The following IRS1 variants were observed in gnomAD, a reference collection of about 807,000 sequenced individuals.
IRS1 encodes insulin receptor substrate 1.
In IRS1, 34 loss-of-function variants were observed where a neutral mutation model predicts 65.6. The observed-to-expected ratio is 0.52, with a 90% CI of 0.39 to 0.69. The LOEUF (loss-of-function observed/expected upper bound fraction) is 0.69, where lower values mean the gene tolerates loss of function less well. Among genes scored for constraint, IRS1 ranks in the 30% least tolerant of loss-of-function variants. The pLI is 0.00. For missense variants in IRS1, 1,641 were observed against 1,720.2 expected, an observed-to-expected ratio of 0.95 and a Z score of 0.81; for synonymous variants, 699 against 683.5, an observed-to-expected ratio of 1.02 and a Z score of -0.35.
chr2:226,748,428 C>CAAAAAAAAAAAAAAAAAA (rs748065097), intron 1 of IRS1, among the ~76,000 whole-genome samples: 1 of 49,716 alleles, frequency 2.0e-5, no homozygotes, highest in Non-Finnish European at 4.1e-5. Flanking sequence ...GACTCTGTCT[C>CAAAAAAAAAAAAAAAAAA]AAAAAAAAAA....
intron 1 of IRS1, among the ~76,000 whole-genome samples, chr2:226,758,568 A>G (rs1035989234): frequency 2.6e-5 from 4 of 152,198 alleles, no homozygotes; most frequent in Non-Finnish European, 5.9e-5. Flanking sequence ...AGAGGGTTAA[A>G]CTTTGATATA....
intron 1 of IRS1, among the ~76,000 whole-genome samples, chr2:226,751,445 A>G (rs955484886): frequency 7.2e-5 from 11 of 151,982 alleles, no homozygotes; most frequent in African/African-American, 1.2e-4. Flanking sequence ...CACGACGCCC[A>G]GCTAATTTTT....
At position 226,796,060 on chromosome 2, in the gene IRS1, C is replaced by CGGGCTCTTGGGCTCTGGA; in HGVS notation, c.2661_2678dup (p.Pro888_Pro893dup). On this transcript the variant is annotated inframe_insertion, in exon 1 of 2. Transcript: ENST00000305123. The stretch of plus-strand genomic sequence containing the variant: ...CAAATTCAATATTGACATATTCCCC[C>CGGGCTCTTGGGCTCTGGA]GGGCTCTTGGGCTCTGGAGGGTGCA... 1 of 1,614,002 alleles carries CGGGCTCTTGGGCTCTGGA rather than the reference C, an allele frequency of 6.2e-7. No homozygotes were observed.
intron 1 of IRS1, among the ~76,000 whole-genome samples, chr2:226,773,805 C>T (rs1939208940): frequency 6.6e-6 from 1 of 152,108 alleles, no homozygotes; most frequent in Admixed American, 6.6e-5. Context: ...GGGGTTTTGC[C>T]TTGGTTAACT....
In IRS1 at chr2:226,796,203, C is replaced by T; in HGVS notation, c.2536G>A (p.Asp846Asn). The T allele has an allele frequency of 6.2e-7, 1 of 1,613,452 alleles. No individual in the cohort carries two copies. Among genetic ancestry groups the T allele is most frequent in the Non-Finnish European group, 8.5e-7 (1 of 1,179,834 alleles). ...VLQPHLPRKVDTAAQTNSRLA... is the reference protein window; with the variant it reads ...VLQPHLPRKVNTAAQTNSRLA... ...CGGCTATTGGTCTGAGCAGCTGTGT[C>T]CACCTTTCGAGGCAGATGGGGCTGC... is the stretch of plus-strand genomic sequence containing the variant. Residue 846 changes from aspartate (D) to asparagine (N), a missense_variant, in exon 1 of 2, where the codon GAC (aspartate) becomes AAC (asparagine). By Grantham distance (23) the Asp-to-Asn change is conservative (BLOSUM62 1). Transcript: ENST00000305123.
rs1486259000 is a variant in IRS1 at position 226,794,143 on chromosome 2, T to C, written c.*21+846A>G. 6.6e-6 allele frequency among the ~76,000 whole-genome samples: 1 copy of C among 152,214 alleles called. No homozygotes were observed. The highest frequency in any genetic ancestry group is 2.4e-5 in the African/African-American group (1 of 41,444). ...GATATATAGTAGCCCCCAAATGATA[T>C]CTGTAATGTCTCAGTGCAAGAAGAG... On this transcript the variant is annotated intron_variant, in intron 1 of 1. Coordinates refer to ENST00000305123, the MANE Select transcript of IRS1 (RefSeq NM_005544.3). The surrounding 1 kb of genome is among the most constrained non-coding windows in gnomAD (Gnocchi z 4.1).
chr2:226,755,329 T>C (rs1938774643), intron 1 of IRS1, among the ~76,000 whole-genome samples: 1 of 152,220 alleles, frequency 6.6e-6, no homozygotes, highest in Non-Finnish European at 1.5e-5. Flanking sequence ...TTTTTAAAAA[T>C]ATTCCCTCTG....
intron 1 of IRS1, among the ~76,000 whole-genome samples, chr2:226,759,634 T>C (rs1263227640): frequency 1.3e-5 from 2 of 152,214 alleles, no homozygotes; most frequent in African/African-American, 4.8e-5. Context: ...GATATACATT[T>C]TCAGATGTAT....
Position 226,750,197 on chromosome 2 carries a change from C to T in IRS1, c.*22-13947G>A, listed in dbSNP as rs1308849271. On this transcript the variant is annotated intron_variant, in intron 1 of 1. Coordinates refer to ENST00000305123, the MANE Select transcript of IRS1 (RefSeq NM_005544.3). ...CCAGGAGGCGGAGGTTGCAGTGAGC[C>T]AAGGTCACGCCATTGCATTCCAGCC... Among the ~76,000 whole-genome samples the T allele has an allele frequency of 4.2e-5, 6 of 142,456 alleles. No homozygotes were observed. The Admixed American group carries it at 4.5e-4, about 11-fold the overall frequency. The allele number at this position is 142,456 out of a possible 152,430, so 93.5% of individuals were successfully genotyped here.
chr2:226,745,990 G>A (rs977286985), intron 1 of IRS1, among the ~76,000 whole-genome samples: 5 of 151,516 alleles, frequency 3.3e-5, no homozygotes, highest in Admixed American at 6.6e-5. Flanking sequence ...GTAATACAAC[G>A]TTATACAAGG....
Position 226,735,045 on chromosome 2 carries a change from T to C in IRS1, c.*1227A>G, listed in dbSNP as rs1938300311. ...TCTTAGGGAAGGTGACACATAGCCC[T>C]GGTCATAATGAAAAACACTTACTGG... On this transcript the variant is annotated 3_prime_UTR_variant, in exon 2 of 2. Coordinates refer to ENST00000305123, the MANE Select transcript of IRS1 (RefSeq NM_005544.3). 1 of 152,176 alleles carries C rather than the reference T, an allele frequency of 6.6e-6. No individual in the cohort carries two copies. The highest frequency in any genetic ancestry group is 2.4e-5 in the African/African-American group (1 of 41,440). The allele number at this position is 152,176 out of a possible 1,614,324, so 9.4% of individuals were successfully genotyped here.
At chr2:226,739,548 G>C (rs1248996935) in intron 1 of IRS1, among the ~76,000 whole-genome samples, 1 of 152,196 alleles carries the variant, frequency 6.6e-6, no homozygotes, top group Non-Finnish European at 1.5e-5. Flanking sequence ...GGTGAATAAT[G>C]GGACTGATTA....
chr2:226,788,955 CA>C (rs973146552), intron 1 of IRS1, among the ~76,000 whole-genome samples: 3 of 151,582 alleles, frequency 2.0e-5, no homozygotes, highest in Non-Finnish European at 4.4e-5. Context: ...ATTTTACATG[CA>C]AAAAAATACT....
rs564665155 is a variant in IRS1, at chr2:226,790,372, G to A, written c.*21+4617C>T. On this transcript the variant is annotated intron_variant, in intron 1 of 1. Transcript: ENST00000305123. ...AGGTGGCATGCCCTTTGGATCCCAAGTCTCTTCCTGTAGGGCAATGCTGGA... is the reference window on the plus strand; with the variant it reads ...AGGTGGCATGCCCTTTGGATCCCAAATCTCTTCCTGTAGGGCAATGCTGGA... Among the ~76,000 whole-genome samples, 8 of 151,068 alleles carry A rather than the reference G, an allele frequency of 5.3e-5. 1 individual carries two copies. The South Asian group carries it at 1.3e-3, about 24-fold the overall frequency.
Position 226,795,405 on chromosome 2 carries a change from G to T in IRS1, c.3334C>A (p.Arg1112=). The part of the protein sequence containing the change: ...ETFSSTPSAT[R]VGNTVPFGAG... ...CCAAAGGGCACTGTGTTGCCCACCC[G>T]GGTGGCACTGGGTGTTGAGGAGAAA... is the stretch of plus-strand genomic sequence containing the variant. The change falls in exon 1 of 2, where the codon CGG becomes AGG. Residue 1112 remains arginine, a synonymous_variant. Transcript: ENST00000305123. 4 of 1,613,380 alleles carry T rather than the reference G, an allele frequency of 2.5e-6. No individual in the cohort carries two copies. The highest frequency in any genetic ancestry group is 3.4e-6 in the Non-Finnish European group (4 of 1,179,996).
chr2:226,781,620 C>T (rs1005871146), intron 1 of IRS1, among the ~76,000 whole-genome samples: 10 of 152,062 alleles, frequency 6.6e-5, no homozygotes, highest in Non-Finnish European at 7.4e-5. Context: ...ATTCCTCCAG[C>T]GAGCTTCAAG....
In IRS1 at chr2:226,796,573, ACCGCTGCTCTCCAC is replaced by A; in HGVS notation, c.2152_2165del (p.Val718TrpfsTer2). 6.2e-7 allele frequency: 1 copy of A among 1,613,958 alleles called. No individual in the cohort carries two copies. Among genetic ancestry groups the A allele is most frequent in the Non-Finnish European group, 8.5e-7 (1 of 1,179,948 alleles). On this transcript the variant is annotated frameshift_variant, in exon 1 of 2. Transcript: ENST00000305123. LOFTEE classifies it high-confidence loss of function. ...CACCTGTGCAAGGTAAGAGCTTACC[ACCGCTGCTCTCCAC>A]TGGGGGTTTGGGGTGAGGCAAGACA...
intron 1 of IRS1, among the ~76,000 whole-genome samples, chr2:226,782,136 TA>T (rs943596948): frequency 1.4e-4 from 21 of 151,726 alleles, no homozygotes; most frequent in Non-Finnish European, 5.9e-5. Context: ...AGGGAGCTAG[TA>T]AGGGTGGGTT....
At chr2:226,744,226 G>T (rs1039849129) in intron 1 of IRS1, among the ~76,000 whole-genome samples, 1 of 152,182 alleles carries the variant, frequency 6.6e-6, no homozygotes, top group Non-Finnish European at 1.5e-5. Flanking sequence ...CTCACCGCAA[G>T]TTTTAGCTAG....
Sources: gnomAD v4.1 joint callset for allele counts (sites outside exome capture counted in the v4.1 genomes callset) on GRCh38, gnomAD v4.1.1 for gene constraint, Gnocchi (gnomAD v3.1) non-coding constraint, MANE v1.5 for transcripts, NCBI Gene and HGNC (gene_info 2026-07-23, HGNC 2026-07-21) for gene names.